The following CCL23 variants were observed in gnomAD, a reference collection of about 807,000 sequenced individuals.
The protein encoded by CCL23 is C-C motif chemokine ligand 23, also known as C-C motif chemokine 23.
CCL23 carries 10 observed loss-of-function variants against 11.8 expected under a neutral mutation model. The ratio of observed to expected loss-of-function variants is 0.84; its 90% CI spans 0.52 to 1.43. CCL23 has a LOEUF of 1.43. CCL23 is among the 40% of genes most tolerant of loss of function. CCL23 has a pLI of 0.00. For missense variants in CCL23, 181 were observed against 170.9 expected, an observed-to-expected ratio of 1.06 and a Z score of -0.33; for synonymous variants, 60 against 61.0, an observed-to-expected ratio of 0.98 and a Z score of 0.07.
chr17:36,013,175 G>T lies in CCL23; in HGVS notation c.*22C>A. ...CAAGAAAGTTGGTGGCTGGCAACTT[G>T]TGTCCCTTCACCTTGACAAGTTCAA... On this transcript the variant is annotated 3_prime_UTR_variant, in exon 4 of 4. Transcript: ENST00000615050. 1 of 1,461,406 alleles carries T rather than the reference G, an allele frequency of 6.8e-7. No homozygotes were observed. Among genetic ancestry groups the T allele is most frequent in the Non-Finnish European group, 9.6e-7 (1 of 1,040,576 alleles). The allele number at this position is 1,461,406 out of a possible 1,614,324, so 90.5% of individuals were successfully genotyped here. A position where few individuals can be genotyped will look rare whatever the true frequency, so the allele number is the denominator to read the frequency against.
chr17:36,015,365 T>C (rs2090090181), intron 1 of CCL23, among the ~76,000 whole-genome samples: 1 of 152,228 alleles, frequency 6.6e-6, no homozygotes, highest in African/African-American at 2.4e-5. Flanking sequence ...GATTCCATTG[T>C]ATGTATGAAC....
At chr17:36,014,497 C>T (rs1201544930) in intron 1 of CCL23, 104 bp from the exon 2 acceptor site, 2 of 885,402 alleles carry the variant, frequency 2.3e-6, no homozygotes, top group African/African-American at 3.3e-5. Context: ...GCAGAAAGGT[C>T]CCTGAAGCTG....
chr17:36,014,782 C>G (rs2090085713), intron 1 of CCL23, among the ~76,000 whole-genome samples: 1 of 152,108 alleles, frequency 6.6e-6, no homozygotes. Context: ...CACAGTATCC[C>G]TTTAAGTGAA....
chr17:36,015,237 G>A (rs1043261803), intron 1 of CCL23, among the ~76,000 whole-genome samples: 4 of 152,028 alleles, frequency 2.6e-5, no homozygotes, highest in Admixed American at 6.6e-5. Context: ...ATTTCACTTA[G>A]CATAATGTCC....
At chr17:36,013,946 T>C (rs2090078192) in intron 2 of CCL23, 37 bp from the exon 3 acceptor site, 3 of 1,600,054 alleles carry the variant, frequency 1.9e-6, no homozygotes, top group Non-Finnish European at 2.6e-6. Context: ...TCAGAAGAGA[T>C]GTTTCCTCCT....
In CCL23 at chr17:36,014,185, A is replaced by G. The variant is rs1274759748; in HGVS notation, c.136+149T>C. On this transcript the variant is annotated intron_variant, in intron 2 of 3. Transcript: ENST00000615050. Reference sequence around the variant, plus strand: ...GAAGGCATCTATGGAGGGGGTTCCCATAGCCCGTCCTGATCTTCCTTGGAG... The same window carrying G: ...GAAGGCATCTATGGAGGGGGTTCCCGTAGCCCGTCCTGATCTTCCTTGGAG... The G allele has an allele frequency of 2.1e-5, 10 of 479,144 alleles. 1 individual carries two copies. Among genetic ancestry groups the G allele is most frequent in the Admixed American group, 9.8e-5 (3 of 30,494 alleles). 29.7% of individuals were successfully genotyped at this position (479,144 alleles called of 1,614,324 possible). A position where few individuals can be genotyped will look rare whatever the true frequency, so the allele number is the denominator to read the frequency against.
chr17:36,015,672 T>A (rs1323233529), intron 1 of CCL23, among the ~76,000 whole-genome samples: 1 of 152,238 alleles, frequency 6.6e-6, no homozygotes, highest in African/African-American at 2.4e-5. Flanking sequence ...TAAACATTTT[T>A]CCTTTCTTTT....
intron 1 of CCL23, among the ~76,000 whole-genome samples, chr17:36,016,676 A>G (rs1344317850): frequency 6.6e-6 from 1 of 150,564 alleles, no homozygotes; most frequent in Non-Finnish European, 1.5e-5. Context: ...TGTACTTTTC[A>G]TATATTTAAA....
In CCL23 at chr17:36,013,891, A is replaced by T. The variant is rs368207475; in HGVS notation, c.155T>A (p.Ile52Asn). 6 of 1,614,052 alleles carry T rather than the reference A, an allele frequency of 3.7e-6. No individual in the cohort carries two copies. ...ATGAGAAAGGGTCATCTGAGGACCA[A>T]TCTTTCTCCTCCAGAGCACTGTGGA... ...VLLDMLWRRK[I>N]GPQMTLSHAA... The change falls in exon 3 of 4, where the codon ATT becomes AAT. Residue 52 changes from isoleucine to asparagine, a missense_variant. Transcript: ENST00000615050.
At chr17:36,013,714 C>T (rs1204981281) in intron 3 of CCL23, 30 bp downstream of exon 3, 1 of 1,612,598 alleles carries the variant, frequency 6.2e-7, no homozygotes, top group East Asian at 2.2e-5. Context: ...CCTTCTCCCT[C>T]AACACATGTT....
rs1018401802 is a variant in CCL23 at position 36,017,649 on chromosome 17, C to T, written c.76+173G>A. 2.0e-5 allele frequency among the ~76,000 whole-genome samples: 3 copies of T among 152,198 alleles called. No homozygotes were observed. The East Asian group carries it at 5.8e-4, about 29-fold the overall frequency. On this transcript the variant is annotated intron_variant, in intron 1 of 3. Coordinates refer to ENST00000615050, the MANE Select transcript of CCL23 (RefSeq NM_005064.6). Reference sequence around the variant, plus strand: ...ACCAGCCATATGTGTATATTCCCCTCCCAGGGTCCAAAGCCTGCAGACAGA... The same window carrying T: ...ACCAGCCATATGTGTATATTCCCCTTCCAGGGTCCAAAGCCTGCAGACAGA...
At chr17:36,014,594 A>G (rs1418828975) in intron 1 of CCL23, among the ~76,000 whole-genome samples, 1 of 149,544 alleles carries the variant, frequency 6.7e-6, no homozygotes, top group Non-Finnish European at 1.5e-5. Context: ...GACCTTTTGA[A>G]AATGTAGACA....
chr17:36,017,736 G>T, intron 1 of CCL23, 86 bp downstream of exon 1: 1 of 1,185,122 alleles, frequency 8.4e-7, no homozygotes. Flanking sequence ...GGGATGGAGA[G>T]TAGTTACAGG....
At chr17:36,013,720 A>C in intron 3 of CCL23, 24 bp downstream of exon 3, 1 of 1,613,064 alleles carries the variant, frequency 6.2e-7, no homozygotes, top group Middle Eastern at 1.7e-4. Context: ...CCCTCAACAC[A>C]TGTTTGGTGA....
At chr17:36,015,753 T>G (rs1236877908) in intron 1 of CCL23, among the ~76,000 whole-genome samples, 1 of 152,156 alleles carries the variant, frequency 6.6e-6, no homozygotes, top group Non-Finnish European at 1.5e-5. Context: ...GCCTTAAAAT[T>G]TGGCCGGGTG....
chr17:36,013,976 GCA>G, intron 2 of CCL23, 67 bp from the exon 3 acceptor site: 1 of 1,470,740 alleles, frequency 6.8e-7, no homozygotes, highest in Non-Finnish European at 9.4e-7. Context: ...GCACTTGCTG[GCA>G]TCTCCCTGCT....
chr17:36,013,541 C>T (rs1038078715), intron 3 of CCL23: 16 of 626,926 alleles, frequency 2.6e-5, no homozygotes, highest in Middle Eastern at 4.3e-4. Context: ...CTTGTGCCTG[C>T]TTTCTTCTTC....
chr17:36,014,481 C>A, intron 1 of CCL23, 88 bp from the exon 2 acceptor site: 1 of 1,029,166 alleles, frequency 9.7e-7, no homozygotes, highest in Admixed American at 1.7e-5. Context: ...TCATCCTCCT[C>A]CTGAGGCAGA....
At chr17:36,015,442 A>G (rs2090090724) in intron 1 of CCL23, among the ~76,000 whole-genome samples, 1 of 152,210 alleles carries the variant, frequency 6.6e-6, no homozygotes, top group South Asian at 2.1e-4. Context: ...GGCTACCGTC[A>G]TCAATAATGC....
Sources: allele counts gnomAD v4.1 joint callset (sites outside exome capture counted in the v4.1 genomes callset), GRCh38; gene constraint gnomAD v4.1.1; transcripts MANE v1.5; gene names NCBI Gene and HGNC (gene_info 2026-07-23, HGNC 2026-07-21).